Variants in CDH8 observed in about 807,000 individuals in gnomAD.
The protein encoded by CDH8 is cadherin 8, also known as cadherin-8.
In CDH8, 17 loss-of-function variants were observed where a neutral mutation model predicts 68.1. That is an observed-to-expected ratio of 0.25 (90% CI 0.17 to 0.37). CDH8 has a LOEUF of 0.37. Ranked by LOEUF, CDH8 falls within the 10% of genes least tolerant of loss-of-function variation. CDH8 has a pLI of 1.00. For missense variants in CDH8, 763 were observed against 999.3 expected, an observed-to-expected ratio of 0.76 and a Z score of 3.19; for synonymous variants, 372 against 365.1, an observed-to-expected ratio of 1.02 and a Z score of -0.21.
At position 62,036,218 on chromosome 16, in the gene CDH8, C is replaced by T. The variant is rs1426136916; in HGVS notation, c.-338G>A. 1 of 151,892 alleles carries T rather than the reference C, an allele frequency of 6.6e-6. No homozygotes were observed. The highest frequency in any genetic ancestry group is 2.4e-5 in the African/African-American group (1 of 41,014). 9.4% of individuals were successfully genotyped at this position (151,892 alleles called of 1,614,324 possible). On this transcript the variant is annotated 5_prime_UTR_variant, in exon 1 of 12. Transcript: ENST00000577390. ...CAGGCGCCTCCGGATTCCGTTCATGCCTCTCGGAGCTACAGGGCTTGGTGC... is the reference window on the plus strand; with the variant it reads ...CAGGCGCCTCCGGATTCCGTTCATGTCTCTCGGAGCTACAGGGCTTGGTGC...
intron 8 of CDH8, among the ~76,000 whole-genome samples, chr16:61,773,274 C>T (rs942493388): frequency 6.6e-6 from 1 of 151,974 alleles, no homozygotes; most frequent in African/African-American, 2.4e-5. Flanking sequence ...AGAATCTCAC[C>T]CTACTCCACA....
At chr16:61,723,387 A>G (rs1959251474) in intron 9 of CDH8, among the ~76,000 whole-genome samples, 2 of 150,676 alleles carry the variant, frequency 1.3e-5, no homozygotes, top group African/African-American at 2.4e-5. Flanking sequence ...CTCTTCAGAA[A>G]GAATCTGGTT....
At chr16:61,941,311 G>A (rs770955099) in intron 2 of CDH8, among the ~76,000 whole-genome samples, 34 of 152,150 alleles carry the variant, frequency 2.2e-4, no homozygotes, top group African/African-American at 6.7e-4. Context: ...GAGTATCTTC[G>A]TATAGATCTT....
chr16:61,866,024 C>A (rs1408134784), intron 3 of CDH8, among the ~76,000 whole-genome samples: 1 of 151,996 alleles, frequency 6.6e-6, no homozygotes, highest in African/African-American at 2.4e-5. Context: ...TCAAGACTAG[C>A]CTGGGCAACA....
chr16:61,769,564 AGTT>A (rs1960725828), intron 8 of CDH8, among the ~76,000 whole-genome samples: 1 of 151,794 alleles, frequency 6.6e-6, no homozygotes, highest in African/African-American at 2.4e-5. Flanking sequence ...AAAACTTAGT[AGTT>A]GTCTCATTTC....
chr16:61,726,947 T>A (rs567334538), intron 9 of CDH8, 147 bp downstream of exon 9: 4 of 823,258 alleles, frequency 4.9e-6, no homozygotes, highest in South Asian at 3.8e-5. Flanking sequence ...AGAAAAAAAA[T>A]TCCCTCTCTG....
chr16:61,755,448 T>C (rs1392701776), intron 8 of CDH8, among the ~76,000 whole-genome samples: 1 of 152,178 alleles, frequency 6.6e-6, no homozygotes, highest in Non-Finnish European at 1.5e-5. Context: ...TGTATAAACA[T>C]GTATTCATAT....
intron 4 of CDH8, among the ~76,000 whole-genome samples, chr16:61,855,288 T>G (rs1161072318): frequency 2.0e-5 from 3 of 152,150 alleles, no homozygotes; most frequent in Admixed American, 6.6e-5. Flanking sequence ...AACAGTTAAT[T>G]AAACAAATGG....
At chr16:61,981,681 T>TGTGTGTGCGCGCGC (rs747443852) in intron 2 of CDH8, among the ~76,000 whole-genome samples, 1 of 141,758 alleles carries the variant, frequency 7.1e-6, no homozygotes, top group African/African-American at 2.8e-5. Context: ...TGTGTGTGTG[T>TGTGTGTGCGCGCGC]GCGCGCGCGC....
chr16:61,664,000 T>C (rs1376226205), intron 10 of CDH8, among the ~76,000 whole-genome samples: 1 of 152,034 alleles, frequency 6.6e-6, no homozygotes, highest in African/African-American at 2.4e-5. Context: ...TTAGCCTCTG[T>C]CTTGTTCTCC....
At chr16:61,958,069 A>C (rs897999496) in intron 2 of CDH8, among the ~76,000 whole-genome samples, 11 of 151,146 alleles carry the variant, frequency 7.3e-5, no homozygotes, top group African/African-American at 2.7e-4. Flanking sequence ...TGTGGAAATA[A>C]AAGAGTTTTT....
Position 62,028,940 on chromosome 16 carries a change from A to G in CDH8, c.-200+7140T>C, listed in dbSNP as rs183400921. 5.9e-5 allele frequency among the ~76,000 whole-genome samples: 9 copies of G among 152,350 alleles called. No individual in the cohort carries two copies. The East Asian group carries it at 1.7e-3, about 29-fold the overall frequency. ...ACATTTCGTGCAGGTCCTTTAAATC[A>G]TAGCAATCAATCAGAATCAACCTTC... On this transcript the variant is annotated intron_variant, in intron 1 of 11. Transcript: ENST00000577390.
At chr16:61,887,906 T>C (rs527716034) in intron 3 of CDH8, among the ~76,000 whole-genome samples, 94 of 152,290 alleles carry the variant, frequency 6.2e-4, no homozygotes, top group Admixed American at 5.9e-4. Flanking sequence ...GTACCTAGCC[T>C]AGAGCAGAAA....
intron 2 of CDH8, among the ~76,000 whole-genome samples, chr16:61,924,720 T>A (rs1373680329): frequency 6.6e-6 from 1 of 152,168 alleles, no homozygotes; most frequent in Non-Finnish European, 1.5e-5. Context: ...AAAACCTTCT[T>A]ATCCACGTAG....
intron 3 of CDH8, among the ~76,000 whole-genome samples, chr16:61,863,484 CT>C (rs1335037380): frequency 1.3e-5 from 2 of 151,892 alleles, no homozygotes; most frequent in South Asian, 2.1e-4. Context: ...CGAGGCTATA[CT>C]TTTTTTTATG....
intron 2 of CDH8, among the ~76,000 whole-genome samples, chr16:61,993,716 G>T (rs551097145): frequency 6.6e-6 from 1 of 152,144 alleles, no homozygotes. Context: ...TATTTTATGT[G>T]TGTTCATGCT....
chr16:61,913,634 T>C (rs1356326453), intron 2 of CDH8, among the ~76,000 whole-genome samples: 2 of 152,066 alleles, frequency 1.3e-5, no homozygotes, highest in Admixed American at 6.6e-5. Flanking sequence ...CATGTGTACG[T>C]TTCTCCCTTC....
At chr16:61,768,362 C>T (rs1960670983) in intron 8 of CDH8, among the ~76,000 whole-genome samples, 7 of 111,254 alleles carry the variant, frequency 6.3e-5, no homozygotes, top group African/African-American at 1.1e-4. Flanking sequence ...CTCTCTCTCT[C>T]TCTCTCCCTT....
rs1180425208 is a variant in CDH8 at position 61,817,594 on chromosome 16, G to A, written c.1162C>T (p.Pro388Ser). The A allele has an allele frequency of 6.2e-7, 1 of 1,613,932 alleles. No homozygotes were observed. The highest frequency in any genetic ancestry group is 1.7e-5 in the Admixed American group (1 of 59,988). The change falls in exon 7 of 12, where the codon CCT becomes TCT. Residue 388 changes from proline to serine, a missense_variant. By Grantham distance (74) the Pro-to-Ser change is moderately conservative (BLOSUM62 -1). This residue lies in a region of CDH8 where 366 missense variants were observed against 563.1 expected (regional missense o/e 0.65). Coordinates refer to ENST00000577390, the MANE Select transcript of CDH8 (RefSeq NM_001796.5). The stretch of plus-strand genomic sequence containing the variant: ...TAAGTCGGTGAAGAGAAGACCGGAG[G>A]CTCATCAGCATCTTCAACCACGATT... Reference protein sequence around the residue: ...VKIVVEDADEPPVFSSPTYLL... With the variant: ...VKIVVEDADESPVFSSPTYLL...
Sources: allele counts gnomAD v4.1 joint callset (sites outside exome capture counted in the v4.1 genomes callset), GRCh38; gene constraint gnomAD v4.1.1; regional missense constraint gnomAD v4.1.1; transcripts MANE v1.5; gene names NCBI Gene and HGNC (gene_info 2026-07-23, HGNC 2026-07-21).